Variants in SLC25A21 observed in about 807,000 individuals in gnomAD.
SLC25A21 encodes mitochondrial 2-oxodicarboxylate carrier.
In SLC25A21, 47 loss-of-function variants were observed where a neutral mutation model predicts 43.8. The observed-to-expected ratio is 1.07, with a 90% CI of 0.85 to 1.37. The LOEUF (loss-of-function observed/expected upper bound fraction) is 1.37, where lower values mean the gene tolerates loss of function less well. SLC25A21 is among the 40% of genes most tolerant of loss of function. The pLI is 0.00. For synonymous variants in SLC25A21, 131 were observed against 121.3 expected, an observed-to-expected ratio of 1.08 and a Z score of -0.52; for missense variants, 352 against 350.2, an observed-to-expected ratio of 1.00 and a Z score of -0.04.
At chr14:36,994,651 G>A (rs556892876) in intron 1 of SLC25A21, among the ~76,000 whole-genome samples, 22 of 152,084 alleles carry the variant, frequency 1.4e-4, no homozygotes, top group Admixed American at 5.9e-4. Context: ...AACAAACACA[G>A]AGGCCAGCGA....
At chr14:36,803,537 A>T (rs926028686) in intron 3 of SLC25A21, among the ~76,000 whole-genome samples, 10 of 152,338 alleles carry the variant, frequency 6.6e-5, no homozygotes, top group South Asian at 2.1e-4. Context: ...TAAAAAACTA[A>T]TTCATTTAAC....
chr14:36,909,487 C>T lies in SLC25A21; in HGVS notation c.71-34483G>A, dbSNP rs193109686. On this transcript the variant is annotated intron_variant, in intron 1 of 9. Transcript: ENST00000331299. ...GAGCCTTTTAAATAAAATCCCCAAA[C>T]TCACAGTCTCAGAACCTCACAGTTC... Among the ~76,000 whole-genome samples the T allele has an allele frequency of 3.7e-3, 566 of 152,314 alleles. 3 individuals are homozygous for T. The highest frequency in any genetic ancestry group is 0.013 in the African/African-American group (525 of 41,576).
chr14:36,911,203 T>C (rs1891677613), intron 1 of SLC25A21, among the ~76,000 whole-genome samples: 1 of 152,246 alleles, frequency 6.6e-6, no homozygotes, highest in South Asian at 2.1e-4. Flanking sequence ...GCTTACTTTA[T>C]TACGTGCTTT....
chr14:37,074,998 CATT>C (rs1962251536), intron 1 of SLC25A21, among the ~76,000 whole-genome samples: 1 of 152,152 alleles, frequency 6.6e-6, no homozygotes, highest in African/African-American at 2.4e-5. Flanking sequence ...CTGAAAGCAT[CATT>C]GTTAATTACA....
At chr14:37,026,459 C>T (rs1328608526) in intron 1 of SLC25A21, among the ~76,000 whole-genome samples, 2 of 152,062 alleles carry the variant, frequency 1.3e-5, no homozygotes, top group Non-Finnish European at 2.9e-5. Flanking sequence ...TCCTTGTCGC[C>T]ACCAACTGTA....
chr14:37,170,752 C>A (rs571208411), intron 1 of SLC25A21, among the ~76,000 whole-genome samples: 26 of 151,128 alleles, frequency 1.7e-4, no homozygotes, highest in African/African-American at 5.6e-4. Flanking sequence ...CATGGTGAAA[C>A]CCTGACTCTA....
chr14:37,040,440 A>AAAGAAAGAAAGAAAGAAAG (rs68013942), intron 1 of SLC25A21, among the ~76,000 whole-genome samples: 4 of 48,700 alleles, frequency 8.2e-5, no homozygotes, highest in South Asian at 4.8e-4. Context: ...AGAAAGAAAG[A>AAAGAAAGAAAGAAAGAAAG]AAAGAAAAAT....
chr14:37,020,306 A>G (rs1368202713), intron 1 of SLC25A21, among the ~76,000 whole-genome samples: 2 of 151,970 alleles, frequency 1.3e-5, no homozygotes, highest in Admixed American at 6.6e-5. Context: ...ACAAACTATA[A>G]CATTTCAAGA....
intron 1 of SLC25A21, among the ~76,000 whole-genome samples, chr14:37,030,056 C>A (rs982995277): frequency 1.3e-5 from 2 of 152,158 alleles, no homozygotes; most frequent in African/African-American, 4.8e-5. Context: ...TGAGCCACTG[C>A]ACCTGGCCGA....
chr14:37,000,656 TATCAA>T (rs1960468581), intron 1 of SLC25A21, among the ~76,000 whole-genome samples: 2 of 152,200 alleles, frequency 1.3e-5, no homozygotes, highest in Admixed American at 6.5e-5. Flanking sequence ...CCAAATCTCA[TATCAA>T]ATTGTAATCC....
chr14:36,941,579 T>C (rs926363729), intron 1 of SLC25A21, among the ~76,000 whole-genome samples: 2 of 152,016 alleles, frequency 1.3e-5, no homozygotes, highest in Non-Finnish European at 2.9e-5. Context: ...AAATCTGTGA[T>C]GCATATTTAA....
At chr14:36,901,496 T>C (rs760633452) in intron 1 of SLC25A21, among the ~76,000 whole-genome samples, 1 of 152,164 alleles carries the variant, frequency 6.6e-6, no homozygotes, top group Non-Finnish European at 1.5e-5. Context: ...ATAAACTCTA[T>C]AAATGAACTG....
chr14:37,020,065 A>C (rs1013606547), intron 1 of SLC25A21, among the ~76,000 whole-genome samples: 1 of 152,008 alleles, frequency 6.6e-6, no homozygotes, highest in African/African-American at 2.4e-5. Flanking sequence ...ATTTAGTATA[A>C]ATTCAAATAC....
At chr14:36,686,731 A>G (rs1327654253) in intron 7 of SLC25A21, among the ~76,000 whole-genome samples, 1 of 152,152 alleles carries the variant, frequency 6.6e-6, no homozygotes, top group African/African-American at 2.4e-5. Flanking sequence ...TTTTTCAATT[A>G]AGGACAAGAA....
Position 36,678,311 on chromosome 14 carries a change from A to C in SLC25A21, c.*2347T>G. ...AGTGACTGCTTTTTTCAGACAGCAGATATCTTATAGAGAGCTTTGAACTGC... is the reference window on the plus strand; with the variant it reads ...AGTGACTGCTTTTTTCAGACAGCAGCTATCTTATAGAGAGCTTTGAACTGC... On this transcript the variant is annotated 3_prime_UTR_variant, in exon 10 of 10. Coordinates refer to ENST00000331299, the MANE Select transcript of SLC25A21 (RefSeq NM_030631.4). The C allele has an allele frequency of 1.8e-6, 1 of 566,756 alleles. No individual in the cohort carries two copies. Among genetic ancestry groups the C allele is most frequent in the Middle Eastern group, 2.7e-4 (1 of 3,740 alleles). 35.1% of individuals were successfully genotyped at this position (566,756 alleles called of 1,614,324 possible).
chr14:37,129,039 C>A (rs563536684), intron 1 of SLC25A21, among the ~76,000 whole-genome samples: 14 of 152,296 alleles, frequency 9.2e-5, no homozygotes, highest in Non-Finnish European at 1.5e-4. Flanking sequence ...ACATTTCAAG[C>A]ACTCAACAGT....
chr14:36,784,801 T>C (rs924464499), intron 3 of SLC25A21, among the ~76,000 whole-genome samples: 1 of 152,212 alleles, frequency 6.6e-6, no homozygotes, highest in African/African-American at 2.4e-5. Flanking sequence ...CTTGCTATCT[T>C]ACTCCATGAG....
chr14:36,780,697 T>A (rs1372072027), intron 3 of SLC25A21, among the ~76,000 whole-genome samples: 2 of 152,126 alleles, frequency 1.3e-5, no homozygotes, highest in African/African-American at 4.8e-5. Flanking sequence ...ATATGTGACA[T>A]TATTTCAATT....
chr14:37,159,400 T>C lies in SLC25A21; in HGVS notation c.70+12881A>G, dbSNP rs115981803. 2.4e-3 allele frequency among the ~76,000 whole-genome samples: 362 copies of C among 152,078 alleles called. 4 individuals carry two copies. Among genetic ancestry groups the C allele is most frequent in the African/African-American group, 8.6e-3 (357 of 41,502 alleles). ...AGACATATAGACAAATGGAACAGAATAGAGAAACTAGGAATAAATCCACAT... is the reference window on the plus strand; with the variant it reads ...AGACATATAGACAAATGGAACAGAACAGAGAAACTAGGAATAAATCCACAT... On this transcript the variant is annotated intron_variant, in intron 1 of 9. Coordinates refer to ENST00000331299, the MANE Select transcript of SLC25A21 (RefSeq NM_030631.4).
Sources: allele counts gnomAD v4.1 joint callset (sites outside exome capture counted in the v4.1 genomes callset), GRCh38; gene constraint gnomAD v4.1.1; transcripts MANE v1.5; gene names NCBI Gene and HGNC (gene_info 2026-07-23, HGNC 2026-07-21).